Variants in ADCY8 observed in about 807,000 individuals in gnomAD.
ADCY8 encodes adenylate cyclase type 8.
In ADCY8, 51 loss-of-function variants were observed where a neutral mutation model predicts 119.7. The observed-to-expected ratio is 0.43, with a 90% CI of 0.34 to 0.54. ADCY8 has a LOEUF of 0.54. Ranked by LOEUF, ADCY8 falls within the 20% of genes least tolerant of loss-of-function variation. ADCY8 has a pLI of 0.03. For missense variants in ADCY8, 1,383 were observed against 1,598.8 expected (o/e 0.87, Z 2.30); for synonymous variants, 665 against 651.0 (o/e 1.02, Z -0.33).
chr8:130,992,707 G>A (rs747007683), intron 1 of ADCY8, among the ~76,000 whole-genome samples: 8 of 151,718 alleles, frequency 5.3e-5, no homozygotes, highest in African/African-American at 1.5e-4. Flanking sequence ...GAGCCACCAC[G>A]GACAGCCAAA....
At chr8:130,826,040 C>T (rs543572507) in intron 12 of ADCY8, among the ~76,000 whole-genome samples, 10 of 152,258 alleles carry the variant, frequency 6.6e-5, no homozygotes, top group South Asian at 6.2e-4. Flanking sequence ...TGAATATTCT[C>T]GTATAAACAT....
chr8:130,956,933 C>A (rs534115930), intron 2 of ADCY8, among the ~76,000 whole-genome samples: 1 of 152,160 alleles, frequency 6.6e-6, no homozygotes, highest in African/African-American at 2.4e-5. Flanking sequence ...CAATTAAAAC[C>A]CTTTTTCCTG....
At chr8:130,844,817 T>A (rs1189704011) in intron 11 of ADCY8, among the ~76,000 whole-genome samples, 1 of 152,222 alleles carries the variant, frequency 6.6e-6, no homozygotes, top group Non-Finnish European at 1.5e-5. Flanking sequence ...CGTTTCATTG[T>A]GGAGAAAATG....
At chr8:130,976,883 C>T (rs1822088119) in intron 2 of ADCY8, among the ~76,000 whole-genome samples, 1 of 152,122 alleles carries the variant, frequency 6.6e-6, no homozygotes, top group Admixed American at 6.5e-5. Context: ...TTACATGGAG[C>T]TCATTTTATA....
At chr8:130,948,185 G>C (rs1435789649) in intron 3 of ADCY8, among the ~76,000 whole-genome samples, 1 of 152,176 alleles carries the variant, frequency 6.6e-6, no homozygotes, top group Non-Finnish European at 1.5e-5. Context: ...GAATAAACTT[G>C]ATTGAGTTAA....
At chr8:130,917,705 T>C (rs1421731742) in intron 5 of ADCY8, among the ~76,000 whole-genome samples, 2 of 152,118 alleles carry the variant, frequency 1.3e-5, no homozygotes, top group African/African-American at 4.8e-5. Context: ...CTGGATTTTT[T>C]AGGACAATTT....
chr8:130,820,167 G>T (rs980455743), intron 13 of ADCY8, among the ~76,000 whole-genome samples: 1 of 152,144 alleles, frequency 6.6e-6, no homozygotes, highest in Admixed American at 6.5e-5. Flanking sequence ...CACTTGCCAA[G>T]TTTTAATATT....
intron 13 of ADCY8, among the ~76,000 whole-genome samples, chr8:130,815,388 A>T (rs1485412806): frequency 1.3e-5 from 2 of 152,242 alleles, no homozygotes; most frequent in African/African-American, 4.8e-5. Flanking sequence ...ATGGCTCATT[A>T]AATAAGTTAT....
chr8:130,917,002 G>C (rs79945702), intron 5 of ADCY8, among the ~76,000 whole-genome samples: 5,927 of 152,230 alleles, frequency 0.039, 370 homozygotes, highest in African/African-American at 0.14. Context: ...ACCCTGACAT[G>C]AAAGTTGTGA....
intron 5 of ADCY8, among the ~76,000 whole-genome samples, chr8:130,925,442 A>G (rs1423555782): frequency 6.6e-6 from 1 of 152,128 alleles, no homozygotes; most frequent in Non-Finnish European, 1.5e-5. Context: ...GGATCTTATT[A>G]TCCTCATTTT....
chr8:130,908,921 T>C (rs187766502), intron 6 of ADCY8, among the ~76,000 whole-genome samples: 47 of 152,138 alleles, frequency 3.1e-4, no homozygotes, highest in Admixed American at 5.9e-4. Flanking sequence ...TGATGGCACA[T>C]ACCAGAGAAA....
chr8:130,990,881 T>C, intron 1 of ADCY8: 1 of 173,934 alleles, frequency 5.7e-6, no homozygotes, highest in Non-Finnish European at 1.2e-5. Context: ...GCCTCTGGCT[T>C]TTAAGGGGCT....
At chr8:130,822,691 C>T (rs773829462) in intron 12 of ADCY8, among the ~76,000 whole-genome samples, 2 of 152,120 alleles carry the variant, frequency 1.3e-5, no homozygotes. Context: ...AATTCTCTAG[C>T]CTCTGAAGTT....
intron 7 of ADCY8, among the ~76,000 whole-genome samples, chr8:130,887,598 C>T (rs1819035781): frequency 6.6e-6 from 1 of 152,118 alleles, no homozygotes. Flanking sequence ...CTCTCTAGCA[C>T]CTACCTTACT....
At chr8:130,907,166 G>A (rs1819815379) in intron 6 of ADCY8, among the ~76,000 whole-genome samples, 1 of 152,006 alleles carries the variant, frequency 6.6e-6, no homozygotes, top group Non-Finnish European at 1.5e-5. Context: ...GTGGTACTAA[G>A]GCCAGCAGTT....
At chr8:130,914,529 T>A (rs7825294) in intron 5 of ADCY8, among the ~76,000 whole-genome samples, 6,676 of 152,230 alleles carry the variant, frequency 0.044, 445 homozygotes, top group African/African-American at 0.15. Flanking sequence ...AAGATAAGAA[T>A]GAAACTATAT....
intron 2 of ADCY8, among the ~76,000 whole-genome samples, chr8:130,983,336 C>A (rs144014201): frequency 6.6e-6 from 1 of 152,140 alleles, no homozygotes; most frequent in African/African-American, 2.4e-5. Flanking sequence ...AATGTATGGA[C>A]GTCTCTGTCC....
intron 8 of ADCY8, among the ~76,000 whole-genome samples, chr8:130,876,701 T>TTG (rs1204971900): frequency 6.7e-6 from 1 of 149,240 alleles, no homozygotes; most frequent in Non-Finnish European, 1.5e-5. Flanking sequence ...GTGTGGATAT[T>TTG]TGTGTGTGTG....
intron 11 of ADCY8, among the ~76,000 whole-genome samples, chr8:130,842,262 C>A (rs976722769): frequency 6.6e-6 from 1 of 151,862 alleles, no homozygotes; most frequent in Admixed American, 6.6e-5. Flanking sequence ...CCTTTGTGTG[C>A]CTGTGTGTGT....
Sources: allele counts gnomAD v4.1 joint callset (sites outside exome capture counted in the v4.1 genomes callset), GRCh38; gene constraint gnomAD v4.1.1; transcripts MANE v1.5; gene names NCBI Gene and HGNC (gene_info 2026-07-23, HGNC 2026-07-21).